Variants in LRP6 observed in about 807,000 individuals in gnomAD.
The protein encoded by LRP6 is low-density lipoprotein receptor-related protein 6.
A neutral mutation model predicts 184.1 loss-of-function variants in LRP6; 43 were observed. The observed-to-expected ratio is 0.23, with a 90% CI of 0.18 to 0.30. LRP6 has a LOEUF of 0.30. Among genes scored for constraint, LRP6 ranks in the 10% least tolerant of loss-of-function variants. The pLI, the probability that LRP6 is intolerant of heterozygous loss-of-function variation, is 1.00. For synonymous variants in LRP6, 719 were observed against 684.9 expected, an observed-to-expected ratio of 1.05 and a Z score of -0.78; for missense variants, 1,571 against 2,005.3, an observed-to-expected ratio of 0.78 and a Z score of 4.14.
At chr12:12,197,523 T>C (rs1310121018) in intron 3 of LRP6, among the ~76,000 whole-genome samples, 3 of 152,200 alleles carry the variant, frequency 2.0e-5, no homozygotes, top group Non-Finnish European at 2.9e-5. Context: ...TTTTGAAAGA[T>C]AAAATACCTA....
At chr12:12,229,526 T>C (rs1167307383) in intron 2 of LRP6, among the ~76,000 whole-genome samples, 2 of 152,220 alleles carry the variant, frequency 1.3e-5, no homozygotes, top group African/African-American at 2.4e-5. Flanking sequence ...TAATAATTGG[T>C]GTGCAAATAT....
chr12:12,154,962 A>G (rs1240952224), intron 12 of LRP6, among the ~76,000 whole-genome samples: 1 of 152,154 alleles, frequency 6.6e-6, no homozygotes, highest in Non-Finnish European at 1.5e-5. Context: ...TTGGGAGGCC[A>G]AGGCTGGTGG....
Position 12,121,374 on chromosome 12 carries a change from A to C in LRP6, c.4594T>G (p.Cys1532Gly), listed in dbSNP as rs748190887. The change falls in exon 23 of 23, where the codon TGC becomes GGC. Residue 1532 changes from cysteine (C) to glycine (G), a missense_variant. Coordinates refer to ENST00000261349, the MANE Select transcript of LRP6 (RefSeq NM_002336.3). ...YRHFAPPTTP[C>G]STDVCDSDYA... ...TCACTGTCACAAACATCTGTGCTGCAGGGTGTGGTGGGGGGTGCAAAGTGC... is the reference window on the plus strand; with the variant it reads ...TCACTGTCACAAACATCTGTGCTGCCGGGTGTGGTGGGGGGTGCAAAGTGC... 8 of 1,614,080 alleles carry C rather than the reference A, an allele frequency of 5.0e-6. No individual in the cohort carries two copies. The Admixed American group carries it at 1.3e-4, about 27-fold the overall frequency.
intron 3 of LRP6, among the ~76,000 whole-genome samples, chr12:12,193,406 A>G (rs1863668185): frequency 6.6e-6 from 1 of 151,662 alleles, no homozygotes; most frequent in African/African-American, 2.4e-5. Flanking sequence ...AGAAAACAGA[A>G]AAACAATAAA....
At chr12:12,225,224 C>T (rs78815657) in intron 2 of LRP6, among the ~76,000 whole-genome samples, 6,281 of 152,064 alleles carry the variant, frequency 0.041, 181 homozygotes, top group Middle Eastern at 0.16. Flanking sequence ...CCGGGGTGGA[C>T]GCAGTGGGGA....
rs1329273693 is a variant in LRP6 at position 12,165,143 on chromosome 12, T to C, written c.1698A>G (p.Glu566=). 1 of 1,614,106 alleles carries C rather than the reference T, an allele frequency of 6.2e-7. No individual in the cohort carries two copies. Among genetic ancestry groups the C allele is most frequent in the South Asian group, 1.1e-5 (1 of 91,082 alleles). Residue 566 remains glutamate (E), a synonymous_variant, in exon 8 of 23, where the codon GAA becomes GAG. Transcript: ENST00000261349. ...GGTCAGGCAGCTGATCTATGATCAC[T>C]TCCCTCTCTGCACTTCGTTTATGAA... ...ERVHKRSAER[E]VIIDQLPDLM... is the part of the protein sequence containing the mutation.
chr12:12,129,688 G>A (rs1174610223), intron 19 of LRP6, among the ~76,000 whole-genome samples: 1 of 152,038 alleles, frequency 6.6e-6, no homozygotes, highest in East Asian at 1.9e-4. Flanking sequence ...GAGTAGCTGG[G>A]ATTACAGGTG....
At chr12:12,206,333 G>A (rs1329062626) in intron 2 of LRP6, among the ~76,000 whole-genome samples, 2 of 151,582 alleles carry the variant, frequency 1.3e-5, no homozygotes, top group Non-Finnish European at 2.9e-5. Context: ...ACGAGGTCAG[G>A]AGATTGAGAC....
At chr12:12,199,295 G>C (rs955326893) in intron 3 of LRP6, among the ~76,000 whole-genome samples, 11 of 151,982 alleles carry the variant, frequency 7.2e-5, no homozygotes, top group African/African-American at 2.7e-4. Context: ...AAGCAGCTCT[G>C]TCAACTAGGC....
intron 2 of LRP6, among the ~76,000 whole-genome samples, chr12:12,207,399 G>A (rs1864089985): frequency 1.3e-5 from 2 of 152,058 alleles, no homozygotes; most frequent in Admixed American, 1.3e-4. Context: ...TGCACCTGTA[G>A]TCCCAGCTAC....
At chr12:12,263,994 A>G (rs1401016177) in intron 1 of LRP6, among the ~76,000 whole-genome samples, 2 of 151,320 alleles carry the variant, frequency 1.3e-5, no homozygotes, top group Non-Finnish European at 3.0e-5. Context: ...TCTACAAAAA[A>G]TTGGGGGCAT....
intron 15 of LRP6, among the ~76,000 whole-genome samples, chr12:12,145,664 T>C (rs1299074050): frequency 6.8e-5 from 10 of 146,356 alleles, no homozygotes; most frequent in South Asian, 2.2e-4. Context: ...CTCGTTCTCG[T>C]TCCATAACCC....
chr12:12,251,038 C>G lies in LRP6; in HGVS notation c.56-6383G>C, dbSNP rs1315846118. Among the ~76,000 whole-genome samples the G allele has an allele frequency of 3.9e-5, 6 of 152,056 alleles. No homozygotes were observed. The East Asian group carries it at 1.2e-3, about 29-fold the overall frequency. On this transcript the variant is annotated intron_variant, in intron 1 of 22. Transcript: ENST00000261349. Reference sequence around the variant, plus strand: ...CTTCACCTCCCAGGTTCAAGTGATTCTCCTGCCTCAGCCTCCCTCGTAGGT... The same window carrying G: ...CTTCACCTCCCAGGTTCAAGTGATTGTCCTGCCTCAGCCTCCCTCGTAGGT...
chr12:12,119,549 AGT>A lies in LRP6; in HGVS notation c.*1575_*1576del, dbSNP rs1949564823. On this transcript the variant is annotated 3_prime_UTR_variant, in exon 23 of 23. Transcript: ENST00000261349. Reference sequence around the variant, plus strand: ...TGATAGCTCAAGATGTAGCAGCCCCAGTACCATACATGACAGCAGGTCAGGCA... The same window carrying A: ...TGATAGCTCAAGATGTAGCAGCCCCAACCATACATGACAGCAGGTCAGGCA... 1 of 152,202 alleles carries A rather than the reference AGT, an allele frequency of 6.6e-6. No individual in the cohort carries two copies. Among genetic ancestry groups the A allele is most frequent in the Non-Finnish European group, 1.5e-5 (1 of 68,044 alleles). The allele number at this position is 152,202 out of a possible 1,614,324, so 9.4% of individuals were successfully genotyped here.
At chr12:12,192,013 TA>T (rs1192750222) in intron 3 of LRP6, among the ~76,000 whole-genome samples, 1 of 152,038 alleles carries the variant, frequency 6.6e-6, no homozygotes, top group Non-Finnish European at 1.5e-5. Context: ...TGCAGGTTAA[TA>T]AAAAAGACTC....
chr12:12,150,991 T>C lies in LRP6; in HGVS notation c.2839A>G (p.Met947Val), dbSNP rs1950073649. 6.2e-7 allele frequency: 1 copy of C among 1,614,164 alleles called. No homozygotes were observed. Among genetic ancestry groups the C allele is most frequent in the Non-Finnish European group, 8.5e-7 (1 of 1,180,004 alleles). ...LFSQKSAINR[M>V]VIDEQQSPDI... is the part of the protein sequence containing the mutation. ...GGGCTCTGTTGTTCATCAATCACCA[T>C]GCGGTTGATGGCACTCTTTTGACTG... Residue 947 changes from methionine (M) to valine (V), a missense_variant, in exon 13 of 23, where the codon ATG (methionine) becomes GTG (valine). By Grantham distance (21) the Met-to-Val change is conservative. This residue lies in a region of LRP6 where 763 missense variants were observed against 859.5 expected (regional missense o/e 0.89). Transcript: ENST00000261349.
In LRP6 at chr12:12,181,451, A is replaced by G; in HGVS notation, c.977-12T>C. The G allele has an allele frequency of 9.6e-7, 1 of 1,037,010 alleles. No homozygotes were observed. The highest frequency in any genetic ancestry group is 1.5e-6 in the Non-Finnish European group (1 of 658,548). 64.2% of individuals were successfully genotyped at this position (1,037,010 alleles called of 1,614,324 possible). ...TAATTCTGTGGCACCTAGAACAACAAAGTGAAATGAAGAATACTTTGAAAC... is the reference window on the plus strand; with the variant it reads ...TAATTCTGTGGCACCTAGAACAACAGAGTGAAATGAAGAATACTTTGAAAC... On this transcript the variant is annotated splice_polypyrimidine_tract_variant and intron_variant, in intron 5 of 22. Transcript: ENST00000261349.
chr12:12,236,596 C>G (rs986875886), intron 2 of LRP6, among the ~76,000 whole-genome samples: 1 of 152,156 alleles, frequency 6.6e-6, no homozygotes, highest in Non-Finnish European at 1.5e-5. Context: ...GTAACGGGCT[C>G]GGTCCTAAAA....
chr12:12,162,146 G>A (rs779250457), intron 10 of LRP6, 47 bp downstream of exon 10: 10 of 1,437,770 alleles, frequency 7.0e-6, no homozygotes, highest in African/African-American at 5.6e-5. Flanking sequence ...CATGTTCCCC[G>A]AAATGTACAC....
Sources: allele counts gnomAD v4.1 joint callset (sites outside exome capture counted in the v4.1 genomes callset), GRCh38; gene constraint gnomAD v4.1.1; regional missense constraint gnomAD v4.1.1; transcripts MANE v1.5; gene names NCBI Gene and HGNC (gene_info 2026-07-23, HGNC 2026-07-21).